ENTREP2: variants seen among roughly 807,000 people sequenced by gnomAD.
The protein encoded by ENTREP2 is endosomal transmembrane epsin interactor 2, also known as protein ENTREP2.
chr15:29,384,008 T>C, the ENTREP2 span, among the ~76,000 whole-genome samples: 1 of 152,180 alleles, frequency 6.6e-6, no homozygotes, highest in Admixed American at 6.5e-5. Flanking sequence ...CCTTGACCAA[T>C]GTCTCTCGTG....
the ENTREP2 span, among the ~76,000 whole-genome samples, chr15:29,572,154 T>G: frequency 6.6e-6 from 1 of 152,328 alleles, no homozygotes; most frequent in Non-Finnish European, 1.5e-5. Flanking sequence ...GCCAACACTT[T>G]AGCAGGGATG....
the ENTREP2 span, among the ~76,000 whole-genome samples, chr15:29,194,890 C>T: frequency 3.3e-5 from 5 of 152,168 alleles, no homozygotes; most frequent in East Asian, 1.9e-4. Flanking sequence ...CGGGAGGTAA[C>T]GTGAGGCCCA....
the ENTREP2 span, among the ~76,000 whole-genome samples, chr15:29,342,966 T>C: frequency 4.2e-5 from 6 of 144,364 alleles, no homozygotes; most frequent in South Asian, 2.4e-4. Flanking sequence ...TGCTTTGATA[T>C]GGTCACATTT....
the ENTREP2 span, among the ~76,000 whole-genome samples, chr15:29,432,422 T>C: frequency 6.6e-6 from 1 of 152,218 alleles, no homozygotes; most frequent in African/African-American, 2.4e-5. Flanking sequence ...GTCACCATCC[T>C]GGCCTGGGCT....
At chr15:29,186,483 G>A in the ENTREP2 span, among the ~76,000 whole-genome samples, 1 of 152,240 alleles carries the variant, frequency 6.6e-6, no homozygotes, top group Non-Finnish European at 1.5e-5. Flanking sequence ...TCTGGAAGGA[G>A]GCTGTGTGTG....
chr15:29,323,391 C>T, the ENTREP2 span, among the ~76,000 whole-genome samples: 94 of 152,274 alleles, frequency 6.2e-4, no homozygotes, highest in East Asian at 5.8e-4. Flanking sequence ...GCTGAACACA[C>T]GGAGGTTCCT....
chr15:29,639,437 A>G, the ENTREP2 span, among the ~76,000 whole-genome samples: 1 of 152,220 alleles, frequency 6.6e-6, no homozygotes, highest in Non-Finnish European at 1.5e-5. Flanking sequence ...AAAATGGTAA[A>G]TTTTATGTTA....
chr15:29,139,625 A>T, the ENTREP2 span, among the ~76,000 whole-genome samples: 15 of 152,078 alleles, frequency 9.9e-5, no homozygotes, highest in Non-Finnish European at 1.9e-4. Context: ...GGTGCAAGGG[A>T]CCCTCTCCGC....
the ENTREP2 span, among the ~76,000 whole-genome samples, chr15:29,127,842 G>A: frequency 6.6e-6 from 1 of 152,200 alleles, no homozygotes; most frequent in African/African-American, 2.4e-5. Context: ...TGCAGGTGTG[G>A]CCGCCCTGTG....
At chr15:29,340,114 A>T in the ENTREP2 span, among the ~76,000 whole-genome samples, 1 of 152,230 alleles carries the variant, frequency 6.6e-6, no homozygotes, top group Non-Finnish European at 1.5e-5. Flanking sequence ...AACTGACTTA[A>T]GGAGTCTGTC....
chr15:29,449,412 G>A, the ENTREP2 span, among the ~76,000 whole-genome samples: 1 of 152,298 alleles, frequency 6.6e-6, no homozygotes, highest in East Asian at 1.9e-4. Flanking sequence ...ATCACTGACT[G>A]GATAGAAAGA....
chr15:29,584,093 C>T, the ENTREP2 span, among the ~76,000 whole-genome samples: 1 of 151,932 alleles, frequency 6.6e-6, no homozygotes, highest in Non-Finnish European at 1.5e-5. Flanking sequence ...AATGAAAAGA[C>T]AATGCACAGA....
chr15:29,181,364 T>C, the ENTREP2 span, among the ~76,000 whole-genome samples: 7 of 152,158 alleles, frequency 4.6e-5, no homozygotes, highest in African/African-American at 1.7e-4. Flanking sequence ...TCTGCAAACT[T>C]TGTTTTCAGA....
chr15:29,662,211 C>CAAAAAAAAAA, the ENTREP2 span, among the ~76,000 whole-genome samples: 16 of 46,912 alleles, frequency 3.4e-4, no homozygotes, highest in African/African-American at 4.7e-4. Context: ...AACCCTGTCG[C>CAAAAAAAAAA]AAAAAAAAAA....
the ENTREP2 span, among the ~76,000 whole-genome samples, chr15:29,313,423 G>C: frequency 3.9e-5 from 6 of 152,272 alleles, no homozygotes; most frequent in Admixed American, 2.0e-4. Flanking sequence ...TAATGCAGCT[G>C]GTCACTTAAA....
the ENTREP2 span, among the ~76,000 whole-genome samples, chr15:29,608,550 T>TTATTA: frequency 2.1e-4 from 16 of 76,694 alleles, 1 homozygote; most frequent in South Asian, 8.8e-4. Context: ...ATTATTATTA[T>TTATTA]TTATTTATTA....
At chr15:29,133,012 C>T in the ENTREP2 span, among the ~76,000 whole-genome samples, 1 of 152,176 alleles carries the variant, frequency 6.6e-6, no homozygotes, top group African/African-American at 2.4e-5. Context: ...CCACACACCC[C>T]TGCCGCCTTC....
chr15:29,281,532 G>A, the ENTREP2 span, among the ~76,000 whole-genome samples: 1 of 152,292 alleles, frequency 6.6e-6, no homozygotes, highest in African/African-American at 2.4e-5. Flanking sequence ...CCTCAAGCAG[G>A]GGCAACTGTC....
At chr15:29,361,517 T>G in the ENTREP2 span, among the ~76,000 whole-genome samples, 1 of 152,226 alleles carries the variant, frequency 6.6e-6, no homozygotes, top group East Asian at 1.9e-4. Context: ...TCTTTAACAT[T>G]TTATTGATAT....
Sources: allele counts gnomAD v4.1 joint callset (sites outside exome capture counted in the v4.1 genomes callset), GRCh38; gene constraint gnomAD v4.1.1; transcripts MANE v1.5; gene names NCBI Gene and HGNC (gene_info 2026-07-23, HGNC 2026-07-21).